Variants in ACTL6A observed in about 807,000 individuals in gnomAD.
ACTL6A encodes actin-like protein 6A.
A neutral mutation model predicts 59.2 loss-of-function variants in ACTL6A; 5 were observed. The observed-to-expected ratio is 0.08, with a 90% confidence interval of 0.04 to 0.18. ACTL6A has a LOEUF of 0.18. ACTL6A is among the 10% of genes least tolerant of loss of function. The pLI is 1.00. For synonymous variants in ACTL6A, 154 were observed against 171.8 expected, an observed-to-expected ratio of 0.90 and a Z score of 0.81; for missense variants, 285 against 526.9, an observed-to-expected ratio of 0.54 and a Z score of 4.49.
At chr3:179,574,628 A>C in intron 5 of ACTL6A, 161 bp downstream of exon 5, 2 of 619,692 alleles carry the variant, frequency 3.2e-6, no homozygotes, top group South Asian at 3.7e-5. Flanking sequence ...ATTTCTTGTT[A>C]GAACTGATGA....
intron 4 of ACTL6A, 63 bp downstream of exon 4, chr3:179,573,532 C>G: frequency 9.9e-7 from 1 of 1,006,066 alleles, no homozygotes; most frequent in African/African-American, 2.2e-5. Flanking sequence ...TTTTTTTTTC[C>G]TTTAGTTTTC....
chr3:179,586,757 ACCTAATG>A, intron 13 of ACTL6A, 125 bp downstream of exon 13: 1 of 772,158 alleles, frequency 1.3e-6, no homozygotes, highest in Non-Finnish European at 2.0e-6. Context: ...TGAGTGGAAG[ACCTAATG>A]GAATAACCAG....
At chr3:179,574,674 C>G (rs1299062891) in intron 5 of ACTL6A, 1 of 457,806 alleles carries the variant, frequency 2.2e-6, no homozygotes, top group African/African-American at 2.0e-5. Flanking sequence ...AAATAACACT[C>G]AAATTCTGAG....
chr3:179,576,150 C>T (rs1718159461), intron 5 of ACTL6A, 67 bp from the exon 6 acceptor site: 1 of 1,116,630 alleles, frequency 9.0e-7, no homozygotes, highest in Non-Finnish European at 1.4e-6. Context: ...TTATAAGAGC[C>T]TGCCCTTTAC....
intron 1 of ACTL6A, among the ~76,000 whole-genome samples, chr3:179,565,784 A>G (rs1019524726): frequency 4.6e-5 from 7 of 152,306 alleles, no homozygotes; most frequent in African/African-American, 4.8e-5. Context: ...TATCAAATAC[A>G]GTGATGAGAA....
At chr3:179,586,688 TA>T in intron 13 of ACTL6A, 56 bp downstream of exon 13, 1 of 1,365,762 alleles carries the variant, frequency 7.3e-7, no homozygotes, top group Non-Finnish European at 1.0e-6. Context: ...CTAAATTTAG[TA>T]AAAATACAAA....
At chr3:179,574,931 A>G (rs1017414929) in intron 5 of ACTL6A, 5 of 175,340 alleles carry the variant, frequency 2.9e-5, no homozygotes, top group African/African-American at 4.8e-5. Flanking sequence ...GGTGGAAGCT[A>G]TTTCCAGGAT....
chr3:179,574,321 A>G, intron 4 of ACTL6A, 49 bp from the exon 5 acceptor site: 1 of 1,202,294 alleles, frequency 8.3e-7, no homozygotes, highest in East Asian at 2.3e-5. Context: ...GAGATAAATC[A>G]ACTTTTTAAT....
At chr3:179,564,501 A>G (rs989650323) in intron 1 of ACTL6A, among the ~76,000 whole-genome samples, 5 of 152,194 alleles carry the variant, frequency 3.3e-5, no homozygotes, top group South Asian at 2.1e-4. Context: ...CTGTGGTTCT[A>G]TTAAGCCTCC....
chr3:179,571,588 G>C (rs1163842773), intron 3 of ACTL6A, among the ~76,000 whole-genome samples: 1 of 152,192 alleles, frequency 6.6e-6, no homozygotes, highest in African/African-American at 2.4e-5. Flanking sequence ...TCGACAAAGG[G>C]AAAAGGGACA....
intron 5 of ACTL6A, 93 bp from the exon 6 acceptor site, chr3:179,576,124 A>C (rs760482334): frequency 2.3e-6 from 2 of 867,812 alleles, no homozygotes; most frequent in Non-Finnish European, 1.9e-6. Context: ...ATGTTTAAGA[A>C]ATAGTTTCTG....
intron 1 of ACTL6A, 195 bp downstream of exon 1, chr3:179,563,312 C>T: frequency 1.0e-6 from 1 of 955,400 alleles, no homozygotes; most frequent in Non-Finnish European, 1.5e-6. Context: ...CTCGGGCTCC[C>T]TGAAGTGGCG....
chr3:179,575,506 T>G (rs1718141089), intron 5 of ACTL6A: 1 of 453,044 alleles, frequency 2.2e-6, no homozygotes, highest in Non-Finnish European at 4.4e-6. Flanking sequence ...TAGTGCCAGG[T>G]GAGCAGCCTC....
intron 1 of ACTL6A, among the ~76,000 whole-genome samples, chr3:179,568,551 G>T (rs924972316): frequency 1.3e-5 from 2 of 150,888 alleles, no homozygotes; most frequent in African/African-American, 4.9e-5. Flanking sequence ...AGACGTGTGT[G>T]TGTGTGTATA....
intron 3 of ACTL6A, among the ~76,000 whole-genome samples, chr3:179,572,543 C>A (rs1021795474): frequency 2.0e-5 from 3 of 152,114 alleles, no homozygotes; most frequent in Admixed American, 2.0e-4. Flanking sequence ...CGGTGGCTCA[C>A]GCCTGTAATC....
At chr3:179,585,092 G>T (rs6795642) in intron 12 of ACTL6A, among the ~76,000 whole-genome samples, 109,813 of 151,994 alleles carry the variant, frequency 0.72, 40,192 homozygotes, top group East Asian at 0.92. Flanking sequence ...TTGATTGATT[G>T]GAGATTTATT....
Position 179,576,879 on chromosome 3 carries a change from A to C in ACTL6A, c.734A>C (p.Gln245Pro), listed in dbSNP as rs1718183316. 1 of 1,614,054 alleles carries C rather than the reference A, an allele frequency of 6.2e-7. No homozygotes were observed. The highest frequency in any genetic ancestry group is 8.5e-7 in the Non-Finnish European group (1 of 1,179,962). ...ANWKRKEKLP[Q>P]VTRSWHNYMC... ...TGGAAAAGAAAAGAGAAGTTGCCTC[A>C]GGTTACGAGGTCTTGGCACAATTAT... is the stretch of plus-strand genomic sequence containing the variant. The change falls in exon 8 of 14, where the codon CAG (glutamine) becomes CCG (proline). Residue 245 changes from glutamine to proline, a missense_variant. Transcript: ENST00000429709.
At chr3:179,583,278 G>A (rs1718387881) in intron 11 of ACTL6A, 75 bp from the exon 12 acceptor site, 1 of 1,155,572 alleles carries the variant, frequency 8.7e-7, no homozygotes, top group African/African-American at 1.5e-5. Context: ...AGAGCACATG[G>A]TTATATTTGT....
At chr3:179,571,435 A>C (rs79804825) in intron 3 of ACTL6A, among the ~76,000 whole-genome samples, 7 of 100,702 alleles carry the variant, frequency 7.0e-5, no homozygotes, top group Non-Finnish European at 1.2e-4. Flanking sequence ...AAAAAAACAA[A>C]AAAAAAAAAC....
Sources: gnomAD v4.1 joint callset for allele counts (sites outside exome capture counted in the v4.1 genomes callset) on GRCh38, gnomAD v4.1.1 for gene constraint, MANE v1.5 for transcripts, NCBI Gene and HGNC (gene_info 2026-07-23, HGNC 2026-07-21) for gene names.